ACTA2: variants seen among roughly 807,000 people sequenced by gnomAD.
ACTA2 encodes the protein actin alpha 2, smooth muscle, also known as actin, aortic smooth muscle.
A neutral mutation model predicts 39.5 loss-of-function variants in ACTA2; 12 were observed. That is an observed-to-expected ratio of 0.30 (90% confidence interval 0.19 to 0.49). The LOEUF is 0.49. Ranked by LOEUF, ACTA2 falls within the 20% of genes least tolerant of loss-of-function variation. The probability of loss-of-function intolerance (pLI) is 0.99; values close to 1 mark genes in which losing one functional copy is unlikely to be tolerated. For missense variants in ACTA2, 236 were observed against 498.8 expected (o/e 0.47, Z 5.02); for synonymous variants, 158 against 180.6 (o/e 0.88, Z 1.00).
chr10:88,986,507 T>C (rs752655711), intron 1 of ACTA2, among the ~76,000 whole-genome samples: 6 of 152,208 alleles, frequency 3.9e-5, no homozygotes, highest in Non-Finnish European at 7.3e-5. Context: ...CCAGTTTTCA[T>C]AGTGGGAAAA....
At chr10:88,978,279 C>T (rs1333505152) in intron 1 of ACTA2, among the ~76,000 whole-genome samples, 76 of 139,740 alleles carry the variant, frequency 5.4e-4, no homozygotes, top group Admixed American at 1.8e-3. Context: ...GGGATAGCAT[C>T]GGGAGATATA....
intron 1 of ACTA2, among the ~76,000 whole-genome samples, chr10:88,959,906 T>C (rs1471159599): frequency 6.6e-6 from 1 of 151,826 alleles, no homozygotes; most frequent in African/African-American, 2.4e-5. Context: ...GTCTGATGTT[T>C]TTCTCATGAT....
intron 1 of ACTA2, among the ~76,000 whole-genome samples, chr10:88,980,031 C>T (rs964377595): frequency 6.6e-6 from 1 of 152,216 alleles, no homozygotes; most frequent in Non-Finnish European, 1.5e-5. Flanking sequence ...AGAAGATGGC[C>T]AGCTGAGCCG....
At position 88,990,411 on chromosome 10, in the gene ACTA2, C is replaced by A. The variant is rs1847089461; in HGVS notation, c.-24+528G>T. The A allele has an allele frequency of 8.9e-6, 4 of 448,846 alleles. No homozygotes were observed. Among genetic ancestry groups the A allele is most frequent in the South Asian group, 7.8e-5 (4 of 51,570 alleles). The allele number at this position is 448,846 out of a possible 1,614,324, so 27.8% of individuals were successfully genotyped here. The stretch of plus-strand genomic sequence containing the variant: ...AGAAGCCTTTAGAAAGGGCAGGAGG[C>A]CGGCTCTCGAGGTCCTCACCTGAAG... On this transcript the variant is annotated intron_variant, in intron 1 of 4. Coordinates refer to the ACTA2 transcript ENST00000415557. The surrounding 1 kb of genome is among the most constrained non-coding windows in gnomAD (Gnocchi z 4.9).
chr10:88,950,563 A>G (rs1236091547), intron 1 of ACTA2, among the ~76,000 whole-genome samples: 1 of 152,234 alleles, frequency 6.6e-6, no homozygotes, highest in Non-Finnish European at 1.5e-5. Flanking sequence ...CAAGGCATGT[A>G]ATATTATCTT....
At position 88,939,317 on chromosome 10, in the gene ACTA2, T is replaced by G. The variant is rs533963263; in HGVS notation, c.808+190A>C. ...AACTGCAACATAGATAGTGTTTTCT[T>G]AGGAAGAAAACCTTTTTCCTGGCCT... On this transcript the variant is annotated intron_variant, in intron 7 of 8. Coordinates refer to ENST00000224784, the MANE Select transcript of ACTA2 (RefSeq NM_001613.4). 3 of 688,772 alleles carry G rather than the reference T, an allele frequency of 4.4e-6. No homozygotes were observed. In the South Asian group the frequency reaches 5.2e-5, roughly 12 times the overall value. 42.7% of individuals were successfully genotyped at this position (688,772 alleles called of 1,614,324 possible). A position where few individuals can be genotyped will look rare whatever the true frequency, so the allele number is the denominator to read the frequency against.
At chr10:88,950,794 A>G (rs531893069) in intron 1 of ACTA2, among the ~76,000 whole-genome samples, 5 of 152,366 alleles carry the variant, frequency 3.3e-5, no homozygotes, top group Non-Finnish European at 4.4e-5. Context: ...TAAAACAGTA[A>G]TGATATCAGG....
chr10:88,963,135 G>A (rs527844281), intron 1 of ACTA2, among the ~76,000 whole-genome samples: 54 of 151,470 alleles, frequency 3.6e-4, no homozygotes, highest in African/African-American at 1.2e-3. Flanking sequence ...TCCATGACAT[G>A]GGGATTATGG....
upstream of ACTA2, among the ~76,000 whole-genome samples, chr10:88,957,342 T>C (rs909783211): frequency 2.6e-5 from 4 of 152,218 alleles, no homozygotes; most frequent in Non-Finnish European, 5.9e-5. Flanking sequence ...ACCTGTTAGA[T>C]TTAGGAGACA....
intron 1 of ACTA2, among the ~76,000 whole-genome samples, chr10:88,959,459 T>C (rs916428545): frequency 2.0e-5 from 3 of 152,194 alleles, no homozygotes; most frequent in Non-Finnish European, 4.4e-5. Flanking sequence ...ATTAATAATA[T>C]GCAAAGCTGA....
chr10:88,975,700 C>A (rs1019708614), intron 1 of ACTA2, among the ~76,000 whole-genome samples: 1 of 151,932 alleles, frequency 6.6e-6, no homozygotes, highest in Non-Finnish European at 1.5e-5. Flanking sequence ...CAGTGCCTGG[C>A]ACATATTGGC....
chr10:88,941,558 A>T (rs1013667914), intron 5 of ACTA2, among the ~76,000 whole-genome samples, 168 bp from the exon 6 acceptor site: 11 of 152,142 alleles, frequency 7.2e-5, no homozygotes, highest in African/African-American at 2.7e-4. Context: ...CTCGGGGAAG[A>T]TGAAAAAAAG....
intron 1 of ACTA2, among the ~76,000 whole-genome samples, chr10:88,965,990 G>T (rs1846312097): frequency 6.6e-6 from 1 of 152,124 alleles, no homozygotes; most frequent in Non-Finnish European, 1.5e-5. Context: ...ACGGAACCAT[G>T]GTCAACAGAA....
intron 1 of ACTA2, among the ~76,000 whole-genome samples, chr10:88,967,770 T>C (rs750069183): frequency 6.6e-6 from 1 of 152,202 alleles, no homozygotes; most frequent in Non-Finnish European, 1.5e-5. Flanking sequence ...ATCAGCAGGT[T>C]CAGAATAAAT....
chr10:88,953,548 G>A (rs1411499180), upstream of ACTA2, among the ~76,000 whole-genome samples: 1 of 152,182 alleles, frequency 6.6e-6, no homozygotes. Context: ...AAAGAAAGGA[G>A]ATTGTTCAAA....
chr10:88,991,016 G>A (rs1847155425), exon 1 of ACTA2: 2 of 1,476,244 alleles, frequency 1.4e-6, no homozygotes, highest in Non-Finnish European at 1.9e-6. Context: ...CGGCGCACGC[G>A]GGCACCTGGG....
At chr10:88,956,266 G>A (rs1846137023), upstream of ACTA2, among the ~76,000 whole-genome samples, 1 of 152,158 alleles carries the variant, frequency 6.6e-6, no homozygotes, top group African/African-American at 2.4e-5. Context: ...TTTTCAATGG[G>A]CTAAAATCAA....
At chr10:88,981,988 G>A (rs545840760) in intron 1 of ACTA2, among the ~76,000 whole-genome samples, 23 of 152,314 alleles carry the variant, frequency 1.5e-4, no homozygotes, top group Non-Finnish European at 1.6e-4. Context: ...CTGTAGGTGT[G>A]GGTATGAGAA....
intron 2 of ACTA2, 51 bp from the exon 3 acceptor site, chr10:88,947,437 C>G (rs1371772911): frequency 3.1e-6 from 5 of 1,608,810 alleles, no homozygotes; most frequent in South Asian, 1.1e-5. Context: ...ACTTGTGAAT[C>G]AATTACAGCC....
Sources: gnomAD v4.1 joint callset for allele counts (sites outside exome capture counted in the v4.1 genomes callset) on GRCh38, gnomAD v4.1.1 for gene constraint, Gnocchi (gnomAD v3.1) non-coding constraint, MANE v1.5 for transcripts, NCBI Gene and HGNC (gene_info 2026-07-23, HGNC 2026-07-21) for gene names.